ERBB4: variants seen among roughly 807,000 people sequenced by gnomAD.
ERBB4 encodes erb-b2 receptor tyrosine kinase 4.
ERBB4 carries 42 observed loss-of-function variants against 158.0 expected under a neutral mutation model. That is an observed-to-expected ratio of 0.27 (90% confidence interval 0.21 to 0.34). The LOEUF is 0.34. Ranked by LOEUF, ERBB4 falls within the 10% of genes least tolerant of loss-of-function variation. The pLI, the probability that ERBB4 is intolerant of heterozygous loss-of-function variation, is 1.00. For synonymous variants in ERBB4, 583 were observed against 558.7 expected, an observed-to-expected ratio of 1.04 and a Z score of -0.61; for missense variants, 1,333 against 1,624.1, an observed-to-expected ratio of 0.82 and a Z score of 3.08.
intron 3 of ERBB4, among the ~76,000 whole-genome samples, chr2:211,862,239 G>A (rs895821041): frequency 3.3e-5 from 5 of 152,028 alleles, no homozygotes; most frequent in Admixed American, 1.3e-4. Context: ...ATATTTATCG[G>A]CTAAAGGGAT....
At chr2:211,451,981 A>G (rs1195198723) in intron 20 of ERBB4, among the ~76,000 whole-genome samples, 1 of 146,134 alleles carries the variant, frequency 6.8e-6, no homozygotes, top group Non-Finnish European at 1.5e-5. Context: ...CATCACCATC[A>G]CATTTCACTG....
intron 19 of ERBB4, among the ~76,000 whole-genome samples, chr2:211,617,953 A>G (rs1254203392): frequency 2.0e-5 from 3 of 152,106 alleles, no homozygotes; most frequent in Admixed American, 6.6e-5. Context: ...ATGTGAAAAA[A>G]TAACGGCATG....
chr2:211,866,442 T>A (rs1294187248), intron 3 of ERBB4, among the ~76,000 whole-genome samples: 2 of 152,126 alleles, frequency 1.3e-5, no homozygotes, highest in African/African-American at 4.8e-5. Context: ...GAATCTAGTA[T>A]CAAAAATCTA....
intron 3 of ERBB4, among the ~76,000 whole-genome samples, chr2:211,823,139 A>C (rs7573807): frequency 0.79 from 120,352 of 151,858 alleles, 47,807 homozygotes; most frequent in Non-Finnish European, 0.8. Flanking sequence ...CCAGACCAGA[A>C]CTTAGCCAAC....
intron 25 of ERBB4, among the ~76,000 whole-genome samples, chr2:211,394,955 T>TA (rs1559125092): frequency 2.0e-5 from 3 of 152,150 alleles, no homozygotes; most frequent in Admixed American, 6.5e-5. Context: ...TATTTAATCC[T>TA]AAAAAGAAGA....
intron 7 of ERBB4, among the ~76,000 whole-genome samples, chr2:211,717,143 T>TACTAA (rs1485485740): frequency 6.6e-6 from 1 of 152,168 alleles, no homozygotes; most frequent in Non-Finnish European, 1.5e-5. Flanking sequence ...AGCATAGTTT[T>TACTAA]GACTGTCTTT....
chr2:211,410,556 T>C (rs1414670272), intron 25 of ERBB4, among the ~76,000 whole-genome samples: 2 of 152,150 alleles, frequency 1.3e-5, no homozygotes, highest in Admixed American at 6.5e-5. Context: ...GCAGATTCCC[T>C]GAAGAATAAA....
chr2:212,535,296 G>A (rs1436076933), intron 1 of ERBB4, among the ~76,000 whole-genome samples: 1 of 152,030 alleles, frequency 6.6e-6, no homozygotes, highest in Middle Eastern at 3.2e-3. Flanking sequence ...CGATAGATGT[G>A]CTTACAGTAA....
chr2:212,145,132 A>G (rs2080620406), intron 1 of ERBB4, among the ~76,000 whole-genome samples: 1 of 152,198 alleles, frequency 6.6e-6, no homozygotes, highest in Admixed American at 6.5e-5. Flanking sequence ...AAATGTTTCC[A>G]TTGCCTTTAC....
At chr2:212,518,169 A>C (rs991568206) in intron 1 of ERBB4, among the ~76,000 whole-genome samples, 5 of 152,070 alleles carry the variant, frequency 3.3e-5, no homozygotes, top group African/African-American at 1.2e-4. Flanking sequence ...AAAACACTAT[A>C]AGCTAATTGA....
chr2:211,494,513 A>T (rs1309654940), intron 20 of ERBB4, among the ~76,000 whole-genome samples: 1 of 152,124 alleles, frequency 6.6e-6, no homozygotes, highest in Admixed American at 6.5e-5. Context: ...CTCTGTTTTG[A>T]TAGTGCATAG....
chr2:212,018,093 C>T (rs1460122408), intron 2 of ERBB4, among the ~76,000 whole-genome samples: 1 of 151,904 alleles, frequency 6.6e-6, no homozygotes, highest in Non-Finnish European at 1.5e-5. Context: ...TGTTGCTGGC[C>T]CTGGGAACAC....
intron 3 of ERBB4, among the ~76,000 whole-genome samples, chr2:211,880,433 C>T (rs1405788766): frequency 6.6e-6 from 1 of 152,060 alleles, no homozygotes; most frequent in Non-Finnish European, 1.5e-5. Context: ...TATGTCTATC[C>T]CTCATGCGCA....
intron 1 of ERBB4, among the ~76,000 whole-genome samples, chr2:212,287,104 C>T (rs926225337): frequency 6.6e-6 from 1 of 151,952 alleles, no homozygotes. Context: ...GCATGTAGCC[C>T]CCTCCAGAAG....
chr2:211,977,872 A>T (rs534020673), intron 2 of ERBB4, among the ~76,000 whole-genome samples: 1 of 150,932 alleles, frequency 6.6e-6, no homozygotes, highest in East Asian at 2.0e-4. Flanking sequence ...AAAAAAAAAA[A>T]AGCAACTTGA....
intron 3 of ERBB4, among the ~76,000 whole-genome samples, chr2:211,902,451 T>A (rs2079261494): frequency 6.6e-6 from 1 of 151,978 alleles, no homozygotes; most frequent in African/African-American, 2.4e-5. Flanking sequence ...AAAATAGTTA[T>A]TGGCAGCTAA....
At chr2:211,995,300 T>C (rs1263652558) in intron 2 of ERBB4, among the ~76,000 whole-genome samples, 1 of 152,204 alleles carries the variant, frequency 6.6e-6, no homozygotes, top group Non-Finnish European at 1.5e-5. Context: ...ATTTGAAAAA[T>C]ACATTTAATA....
At chr2:212,205,170 GTTTGT>G (rs2082709634) in intron 1 of ERBB4, among the ~76,000 whole-genome samples, 3 of 151,772 alleles carry the variant, frequency 2.0e-5, no homozygotes, top group African/African-American at 2.4e-5. Context: ...GACAGATTTT[GTTTGT>G]TTTGAGACAG....
intron 1 of ERBB4, among the ~76,000 whole-genome samples, chr2:212,469,008 C>A (rs954188437): frequency 2.6e-5 from 4 of 152,096 alleles, no homozygotes; most frequent in African/African-American, 2.4e-5. Flanking sequence ...TCAATCAAAT[C>A]TTATTTTTCT....
Sources: allele counts gnomAD v4.1 joint callset (sites outside exome capture counted in the v4.1 genomes callset), GRCh38; gene constraint gnomAD v4.1.1; transcripts MANE v1.5; gene names NCBI Gene and HGNC (gene_info 2026-07-23, HGNC 2026-07-21).